LAMA2: variants seen among roughly 807,000 people sequenced by gnomAD.
LAMA2 encodes laminin subunit alpha 2.
Under a neutral mutation model 364.8 loss-of-function variants are expected in LAMA2, and 269 were observed. That is an observed-to-expected ratio of 0.74 (90% CI 0.67 to 0.82). The LOEUF is 0.82. Among genes scored for constraint, LAMA2 ranks in the 40% least tolerant of loss-of-function variants. The pLI is 0.00. For missense variants in LAMA2, 3,807 were observed against 3,873.2 expected, an observed-to-expected ratio of 0.98 and a Z score of 0.45; for synonymous variants, 1,379 against 1,370.6, an observed-to-expected ratio of 1.01 and a Z score of -0.14.
At chr6:129,035,781 A>C (rs192072296) in intron 1 of LAMA2, among the ~76,000 whole-genome samples, 1 of 152,104 alleles carries the variant, frequency 6.6e-6, no homozygotes, top group Non-Finnish European at 1.5e-5. Context: ...GTCGAAGATT[A>C]GTTGTAGGAA....
chr6:128,917,846 A>T (rs1335787670), intron 1 of LAMA2, among the ~76,000 whole-genome samples: 1 of 148,244 alleles, frequency 6.7e-6, no homozygotes, highest in Non-Finnish European at 1.5e-5. Context: ...TGATACTCCC[A>T]CTTCAGCCTC....
At chr6:129,210,588 G>A (rs1562335894) in intron 12 of LAMA2, among the ~76,000 whole-genome samples, 1 of 152,168 alleles carries the variant, frequency 6.6e-6, no homozygotes, top group Non-Finnish European at 1.5e-5. Flanking sequence ...TCAGATTCTA[G>A]AAGAGTTTCT....
chr6:129,032,520 G>A (rs1480886544), intron 1 of LAMA2, among the ~76,000 whole-genome samples: 2 of 152,162 alleles, frequency 1.3e-5, no homozygotes, highest in African/African-American at 2.4e-5. Context: ...ACTAAAGGCA[G>A]TATTCGTTGA....
chr6:128,883,793 T>TACAC (rs1412752568), intron 1 of LAMA2, among the ~76,000 whole-genome samples: 7 of 125,760 alleles, frequency 5.6e-5, no homozygotes, highest in African/African-American at 3.0e-4. Context: ...AAATTATATA[T>TACAC]ATATATATAC....
At chr6:128,983,380 T>G (rs944662653) in intron 1 of LAMA2, among the ~76,000 whole-genome samples, 1 of 152,190 alleles carries the variant, frequency 6.6e-6, no homozygotes, top group Non-Finnish European at 1.5e-5. Context: ...TGAGCATTTT[T>G]TCATGTGTTT....
intron 6 of LAMA2, among the ~76,000 whole-genome samples, chr6:129,148,134 T>G (rs1475335533): frequency 6.6e-6 from 1 of 151,814 alleles, no homozygotes; most frequent in East Asian, 1.9e-4. Flanking sequence ...TTGGAGGAAG[T>G]GAAAAAATGC....
At chr6:129,478,928 C>A in intron 54 of LAMA2, 115 bp downstream of exon 54, 1 of 918,664 alleles carries the variant, frequency 1.1e-6, no homozygotes, top group Non-Finnish European at 1.8e-6. Context: ...TTCTACTGAT[C>A]CTACTCTTAA....
At chr6:129,431,023 G>A (rs746357566) in intron 41 of LAMA2, among the ~76,000 whole-genome samples, 3 of 152,044 alleles carry the variant, frequency 2.0e-5, no homozygotes, top group Admixed American at 6.6e-5. Flanking sequence ...TAACTTTTCA[G>A]TTTTATTTCC....
At chr6:129,057,759 A>G (rs924103847) in intron 2 of LAMA2, among the ~76,000 whole-genome samples, 1 of 152,214 alleles carries the variant, frequency 6.6e-6, no homozygotes, top group African/African-American at 2.4e-5. Context: ...TCTCATCACC[A>G]TTATTATTAG....
chr6:129,152,523 T>C (rs752436756), intron 7 of LAMA2, among the ~76,000 whole-genome samples: 3 of 152,248 alleles, frequency 2.0e-5, no homozygotes, highest in African/African-American at 4.8e-5. Context: ...CTCGTCATTA[T>C]TATACAAGTG....
At chr6:128,930,616 T>G (rs1779414634) in intron 1 of LAMA2, among the ~76,000 whole-genome samples, 1 of 152,188 alleles carries the variant, frequency 6.6e-6, no homozygotes, top group African/African-American at 2.4e-5. Flanking sequence ...TTGCTATCTT[T>G]GTTAGTTTAA....
intron 45 of LAMA2, among the ~76,000 whole-genome samples, chr6:129,451,384 C>A (rs905729485): frequency 6.6e-6 from 1 of 152,174 alleles, no homozygotes; most frequent in Non-Finnish European, 1.5e-5. Context: ...CTGCACCCAG[C>A]AGTTGGCAGG....
chr6:129,441,936 T>C (rs1241765101), intron 43 of LAMA2, among the ~76,000 whole-genome samples: 1 of 151,800 alleles, frequency 6.6e-6, no homozygotes, highest in African/African-American at 2.4e-5. Context: ...TGAGCTGTGA[T>C]CACGCCACTG....
At chr6:129,510,080 C>T (rs1432596591) in intron 62 of LAMA2, among the ~76,000 whole-genome samples, 1 of 152,094 alleles carries the variant, frequency 6.6e-6, no homozygotes, top group African/African-American at 2.4e-5. Flanking sequence ...GATGCCCACT[C>T]TCACCACTGT....
At chr6:129,072,071 C>T (rs867378683) in intron 3 of LAMA2, among the ~76,000 whole-genome samples, 11 of 152,014 alleles carry the variant, frequency 7.2e-5, no homozygotes, top group Admixed American at 5.9e-4. Flanking sequence ...CACTTCAACC[C>T]AGGAGGTAGA....
rs557033763 is a variant in LAMA2, at chr6:129,227,475, G to A, written c.1783-22637G>A. 2.6e-5 allele frequency among the ~76,000 whole-genome samples: 4 copies of A among 152,178 alleles called. No homozygotes were observed. In the East Asian group the frequency reaches 7.7e-4, roughly 29 times the overall value. ...ATCTTTGTGGTTTTATCTACCTTTG[G>A]TCTTTGATGATGATGTACGGATGGG... On this transcript the variant is annotated intron_variant, in intron 12 of 64. Coordinates refer to ENST00000421865, the MANE Select transcript of LAMA2 (RefSeq NM_000426.4).
chr6:129,183,630 T>C (rs1781058317), intron 10 of LAMA2, among the ~76,000 whole-genome samples: 1 of 151,936 alleles, frequency 6.6e-6, no homozygotes, highest in Non-Finnish European at 1.5e-5. Context: ...TCAGATTTCT[T>C]GGGATACCTC....
At chr6:128,920,013 A>T (rs1459705215) in intron 1 of LAMA2, among the ~76,000 whole-genome samples, 1 of 152,138 alleles carries the variant, frequency 6.6e-6, no homozygotes, top group African/African-American at 2.4e-5. Context: ...CATAAAAATG[A>T]GCTGTATCCA....
chr6:129,214,598 G>A (rs938167205), intron 12 of LAMA2, among the ~76,000 whole-genome samples: 2 of 152,116 alleles, frequency 1.3e-5, no homozygotes, highest in East Asian at 3.8e-4. Flanking sequence ...ATATTCATGC[G>A]GGTGTATTTC....
Sources: gnomAD v4.1 joint callset for allele counts (sites outside exome capture counted in the v4.1 genomes callset) on GRCh38, gnomAD v4.1.1 for gene constraint, MANE v1.5 for transcripts, NCBI Gene and HGNC (gene_info 2026-07-23, HGNC 2026-07-21) for gene names.